LDAH: variants seen among roughly 807,000 people sequenced by gnomAD.
The protein encoded by LDAH is lipid droplet associated hydrolase.
Under a neutral mutation model 29.6 loss-of-function variants are expected in LDAH, and 26 were observed. That is an observed-to-expected ratio of 0.88 (90% CI 0.64 to 1.22). LDAH has a LOEUF of 1.22. Ranked by LOEUF, LDAH falls within the 50% of genes most tolerant of loss-of-function variation. The pLI is 0.00. For missense variants in LDAH, 344 were observed against 387.3 expected (o/e 0.89, Z 0.94); for synonymous variants, 117 against 133.0 (o/e 0.88, Z 0.83).
intron 6 of LDAH, among the ~76,000 whole-genome samples, chr2:20,699,499 C>T (rs900189376): frequency 2.6e-5 from 4 of 152,104 alleles, no homozygotes; most frequent in Admixed American, 2.6e-4. Context: ...AATAAACTTC[C>T]TGTCTCTCTG....
At chr2:20,801,986 A>G (rs1558493320) in intron 1 of LDAH, among the ~76,000 whole-genome samples, 1 of 150,610 alleles carries the variant, frequency 6.6e-6, no homozygotes, top group East Asian at 1.9e-4. Flanking sequence ...GTATGTATGA[A>G]TATGTGTGTA....
At chr2:20,757,134 G>T (rs1668392306) in intron 4 of LDAH, among the ~76,000 whole-genome samples, 1 of 152,180 alleles carries the variant, frequency 6.6e-6, no homozygotes, top group South Asian at 2.1e-4. Context: ...AGGCTAAAAT[G>T]CTAGGGAAAA....
At chr2:20,815,327 A>G (rs929484076) in intron 1 of LDAH, among the ~76,000 whole-genome samples, 3 of 152,086 alleles carry the variant, frequency 2.0e-5, no homozygotes, top group African/African-American at 7.2e-5. Flanking sequence ...TCATCCAATC[A>G]GAGTTTTAGA....
At chr2:20,690,806 A>G (rs1662955973) in intron 6 of LDAH, among the ~76,000 whole-genome samples, 1 of 152,176 alleles carries the variant, frequency 6.6e-6, no homozygotes, top group African/African-American at 2.4e-5. Context: ...ATGAATCGCA[A>G]TGCACCATGA....
intron 3 of LDAH, among the ~76,000 whole-genome samples, chr2:20,782,667 ATCT>A (rs1037572224): frequency 3.9e-5 from 6 of 152,136 alleles, no homozygotes; most frequent in African/African-American, 1.2e-4. Context: ...GCAGCAATGA[ATCT>A]TCTTTTCTTT....
chr2:20,687,462 C>T (rs1056032060), intron 6 of LDAH, among the ~76,000 whole-genome samples: 1 of 152,144 alleles, frequency 6.6e-6, no homozygotes, highest in Non-Finnish European at 1.5e-5. Context: ...GACTAGTGAC[C>T]AGTTAATAAA....
chr2:20,693,024 T>C (rs1304077351), intron 6 of LDAH, among the ~76,000 whole-genome samples: 1 of 152,160 alleles, frequency 6.6e-6, no homozygotes, highest in Non-Finnish European at 1.5e-5. Context: ...CCCTGAGCCA[T>C]ATCCACCTGG....
At chr2:20,772,058 G>C in intron 4 of LDAH, among the ~76,000 whole-genome samples, 1 of 152,206 alleles carries the variant, frequency 6.6e-6, no homozygotes, top group Non-Finnish European at 1.5e-5. Flanking sequence ...TTAACCTTGA[G>C]ATGCATTCTA....
rs1662617147 is a variant in LDAH, at chr2:20,687,108, CAAA to C, written c.787-17_787-15del. On this transcript the variant is annotated splice_polypyrimidine_tract_variant and intron_variant, in intron 6 of 6. Transcript: ENST00000237822. ...ATAAAATGTAAGCTGAAAGACAAGA[CAAA>C]AACCTTTTATTAGAAAACACGTTCC... is the stretch of plus-strand genomic sequence containing the variant. The C allele has an allele frequency of 6.3e-7, 1 of 1,594,460 alleles. No individual in the cohort carries two copies. The highest frequency in any genetic ancestry group is 1.8e-5 in the Admixed American group (1 of 56,616).
chr2:20,731,135 A>G (rs1373919942), intron 5 of LDAH, among the ~76,000 whole-genome samples: 1 of 152,248 alleles, frequency 6.6e-6, no homozygotes, highest in Non-Finnish European at 1.5e-5. Context: ...CAATTTAGGA[A>G]GAATTGACAT....
At chr2:20,776,705 G>T (rs950977069) in intron 3 of LDAH, among the ~76,000 whole-genome samples, 2 of 152,066 alleles carry the variant, frequency 1.3e-5, no homozygotes, top group Non-Finnish European at 2.9e-5. Flanking sequence ...TTTTATGCAT[G>T]AAATATTATA....
At chr2:20,797,911 GA>G (rs1208154213) in intron 2 of LDAH, among the ~76,000 whole-genome samples, 31 of 152,172 alleles carry the variant, frequency 2.0e-4, no homozygotes, top group Non-Finnish European at 4.3e-4. Context: ...TACCTTGTAT[GA>G]AAAAACAGTC....
chr2:20,772,523 G>T (rs924880690), intron 4 of LDAH, among the ~76,000 whole-genome samples: 4 of 152,122 alleles, frequency 2.6e-5, no homozygotes, highest in African/African-American at 9.7e-5. Flanking sequence ...AGAATGATGG[G>T]GTATGCAGCT....
rs139983272 is a variant in LDAH at position 20,727,147 on chromosome 2, G to A, written c.703+12824C>T. ...AATCTCAGCACTGTGGGAGGCCAAG[G>A]TCGAGGACTGCTTGAGGCCTGGAGT... On this transcript the variant is annotated intron_variant, in intron 5 of 6. Transcript: ENST00000237822. Among the ~76,000 whole-genome samples, 1,022 of 152,312 alleles carry A rather than the reference G, an allele frequency of 6.7e-3. 12 individuals are homozygous for A. The highest frequency in any genetic ancestry group is 0.023 in the African/African-American group (968 of 41,564).
chr2:20,721,327 A>G (rs1220663982), intron 5 of LDAH, among the ~76,000 whole-genome samples: 3 of 152,216 alleles, frequency 2.0e-5, no homozygotes, highest in Non-Finnish European at 4.4e-5. Flanking sequence ...AGACCTGAAT[A>G]GAAATTTCTC....
chr2:20,688,875 A>G (rs1662782527), intron 6 of LDAH, among the ~76,000 whole-genome samples: 1 of 130,502 alleles, frequency 7.7e-6, no homozygotes, highest in Non-Finnish European at 1.6e-5. Context: ...AAATTCTGGG[A>G]CATGTGCAGA....
chr2:20,770,203 G>A (rs1669316295), intron 4 of LDAH, among the ~76,000 whole-genome samples: 2 of 152,170 alleles, frequency 1.3e-5, no homozygotes, highest in Non-Finnish European at 2.9e-5. Context: ...GGGTAAAATA[G>A]TCTGGTACTT....
At chr2:20,812,876 G>C (rs1333173171) in intron 1 of LDAH, among the ~76,000 whole-genome samples, 1 of 152,168 alleles carries the variant, frequency 6.6e-6, no homozygotes, top group Non-Finnish European at 1.5e-5. Flanking sequence ...GCACTTAACA[G>C]ATGCTATCTA....
chr2:20,793,027 G>A (rs1379612268), intron 2 of LDAH, among the ~76,000 whole-genome samples: 1 of 152,108 alleles, frequency 6.6e-6, no homozygotes, highest in Non-Finnish European at 1.5e-5. Flanking sequence ...TCATCATCAA[G>A]TAAATGATGA....
Sources: gnomAD v4.1 joint callset for allele counts (sites outside exome capture counted in the v4.1 genomes callset) on GRCh38, gnomAD v4.1.1 for gene constraint, MANE v1.5 for transcripts, NCBI Gene and HGNC (gene_info 2026-07-23, HGNC 2026-07-21) for gene names.